The following VWA3B variants were observed in gnomAD, a reference collection of about 807,000 sequenced individuals.
VWA3B encodes von Willebrand factor A domain-containing protein 3B.
Under a neutral mutation model 158.3 loss-of-function variants are expected in VWA3B, and 138 were observed. The ratio of observed to expected loss-of-function variants is 0.87; its 90% CI spans 0.76 to 1.00. The LOEUF (loss-of-function observed/expected upper bound fraction) is 1.00, where lower values mean the gene tolerates loss of function less well. VWA3B is among the 50% of genes least tolerant of loss of function. The pLI is 0.00. For missense variants in VWA3B, 1,555 were observed against 1,565.1 expected (o/e 0.99, Z 0.11); for synonymous variants, 596 against 587.3 (o/e 1.01, Z -0.21).
rs371827089 is a variant in VWA3B, at chr2:98,121,313, C to G, written c.557C>G (p.Pro186Arg). Residue 186 changes from proline (P) to arginine (R), a missense_variant, in exon 5 of 28, where the codon CCT becomes CGT. Transcript: ENST00000477737. ...ATCCTTTTCAGGGTTTCTCAAGAGC[C>G]TGTGAAGTGGCAGGAAAATGCTACT... The part of the protein sequence containing the change: ...EFNIIRVSQE[P>R]VKWQENATPV... 1 of 1,613,746 alleles carries G rather than the reference C, an allele frequency of 6.2e-7. No individual in the cohort carries two copies. Among genetic ancestry groups the G allele is most frequent in the Non-Finnish European group, 8.5e-7 (1 of 1,179,646 alleles).
chr2:98,307,362 G>C (rs1173173668), intron 26 of VWA3B, among the ~76,000 whole-genome samples: 3 of 152,152 alleles, frequency 2.0e-5, no homozygotes, highest in Admixed American at 2.0e-4. Flanking sequence ...TATTTGTTCT[G>C]ACTGACTAGC....
chr2:98,087,541 CG>C (rs1681950014), intron 1 of VWA3B, among the ~76,000 whole-genome samples, 178 bp downstream of exon 1: 1 of 152,156 alleles, frequency 6.6e-6, no homozygotes, highest in African/African-American at 2.4e-5. Context: ...CTTAATCGTC[CG>C]CTACCCAGGG....
At chr2:98,170,841 A>G (rs1322076137) in intron 8 of VWA3B, among the ~76,000 whole-genome samples, 2 of 151,918 alleles carry the variant, frequency 1.3e-5, no homozygotes, top group African/African-American at 2.4e-5. Flanking sequence ...TCTTGCCCTC[A>G]TGATCCGCCT....
chr2:98,087,464 G>A (rs1313342106), intron 1 of VWA3B, 101 bp downstream of exon 1: 1 of 152,222 alleles, frequency 6.6e-6, no homozygotes. Flanking sequence ...TTTCTGAGGT[G>A]GACTACACGC....
At chr2:98,242,562 G>A (rs1686145707) in intron 19 of VWA3B, among the ~76,000 whole-genome samples, 1 of 151,616 alleles carries the variant, frequency 6.6e-6, no homozygotes, top group Admixed American at 6.6e-5. Context: ...TTATCATAAT[G>A]TCTTTTACAG....
At chr2:98,151,009 A>G (rs1288558440) in intron 7 of VWA3B, among the ~76,000 whole-genome samples, 2 of 152,166 alleles carry the variant, frequency 1.3e-5, no homozygotes, top group Admixed American at 6.5e-5. Flanking sequence ...CTGTTGGTTT[A>G]CAGTTTTCAT....
intron 3 of VWA3B, among the ~76,000 whole-genome samples, chr2:98,116,356 A>AT (rs918491764): frequency 2.5e-3 from 365 of 147,942 alleles, no homozygotes; most frequent in African/African-American, 7.2e-3. Flanking sequence ...TTATTGGTAA[A>AT]TTTTTTTTTT....
At chr2:98,266,390 G>A (rs898142833) in intron 21 of VWA3B, among the ~76,000 whole-genome samples, 30 of 151,602 alleles carry the variant, frequency 2.0e-4, no homozygotes, top group African/African-American at 7.3e-4. Flanking sequence ...GCTCTGTTCT[G>A]TTCCATTGAT....
intron 21 of VWA3B, among the ~76,000 whole-genome samples, chr2:98,268,263 T>C (rs1233812985): frequency 1.3e-5 from 2 of 150,344 alleles, no homozygotes; most frequent in African/African-American, 2.5e-5. Flanking sequence ...ACCAATATCC[T>C]TGATGAACAT....
chr2:98,235,588 G>A (rs371977557), intron 17 of VWA3B, among the ~76,000 whole-genome samples: 1 of 152,052 alleles, frequency 6.6e-6, no homozygotes, highest in East Asian at 1.9e-4. Flanking sequence ...AACAGGCCAA[G>A]CTAATTTTTG....
intron 8 of VWA3B, among the ~76,000 whole-genome samples, chr2:98,163,299 G>C (rs1678789194): frequency 6.6e-6 from 1 of 152,190 alleles, no homozygotes; most frequent in Admixed American, 6.5e-5. Flanking sequence ...CAGCACTTTG[G>C]GAGGCCGAGG....
intron 7 of VWA3B, among the ~76,000 whole-genome samples, chr2:98,146,062 C>G (rs1407018628): frequency 6.6e-6 from 1 of 151,888 alleles, no homozygotes; most frequent in Non-Finnish European, 1.5e-5. Flanking sequence ...TATATTTCAT[C>G]TTTTCTTGTT....
At chr2:98,141,819 C>G (rs1183017524) in intron 7 of VWA3B, among the ~76,000 whole-genome samples, 1 of 152,178 alleles carries the variant, frequency 6.6e-6, no homozygotes, top group African/African-American at 2.4e-5. Flanking sequence ...GGCCACACCC[C>G]TCTCTGCCCA....
At chr2:98,147,446 A>G (rs1256989795) in intron 7 of VWA3B, among the ~76,000 whole-genome samples, 2 of 152,218 alleles carry the variant, frequency 1.3e-5, no homozygotes, top group East Asian at 1.9e-4. Flanking sequence ...CTCACTATAT[A>G]CTTAAAAATA....
At chr2:98,109,226 G>A (rs989113750) in intron 2 of VWA3B, among the ~76,000 whole-genome samples, 7 of 152,020 alleles carry the variant, frequency 4.6e-5, no homozygotes, top group South Asian at 4.2e-4. Context: ...TCCTGACCTC[G>A]GGTGATCTGA....
In VWA3B at chr2:98,192,993, G is replaced by T; in HGVS notation, c.1562G>T (p.Ser521Ile). Reference sequence around the variant, plus strand: ...ATTGACACGTCTCACTCAATGAAGAGCAAACTGGACTTGGTGAAGGACAAG... The same window carrying T: ...ATTGACACGTCTCACTCAATGAAGATCAAACTGGACTTGGTGAAGGACAAG... ...ILIDTSHSMK[S>I]KLDLVKDKII... is the part of the protein sequence containing the mutation. The change falls in exon 11 of 28, where the codon AGC (serine) becomes ATC (isoleucine). Residue 521 changes from serine (S) to isoleucine (I), a missense_variant. Physicochemically the swap from Ser to Ile is moderately radical, Grantham distance 142. Transcript: ENST00000477737. 6.2e-7 allele frequency: 1 copy of T among 1,614,154 alleles called. No individual in the cohort carries two copies.
At chr2:98,223,777 C>T (rs1684695565) in intron 14 of VWA3B, among the ~76,000 whole-genome samples, 1 of 152,178 alleles carries the variant, frequency 6.6e-6, no homozygotes, top group South Asian at 2.1e-4. Flanking sequence ...ATCACCCAGG[C>T]TGGAGTGCAG....
chr2:98,181,745 C>T (rs1680601095), intron 9 of VWA3B, among the ~76,000 whole-genome samples: 1 of 152,198 alleles, frequency 6.6e-6, no homozygotes, highest in Non-Finnish European at 1.5e-5. Context: ...TACAGCTTCT[C>T]CTAGTGCCTG....
At chr2:98,089,272 G>A (rs567604256) in intron 1 of VWA3B, among the ~76,000 whole-genome samples, 74 of 152,216 alleles carry the variant, frequency 4.9e-4, no homozygotes, top group African/African-American at 1.6e-3. Flanking sequence ...GTTTGTCTCC[G>A]TAGTCATTGA....
Sources: gnomAD v4.1 joint callset for allele counts (sites outside exome capture counted in the v4.1 genomes callset) on GRCh38, gnomAD v4.1.1 for gene constraint, MANE v1.5 for transcripts, NCBI Gene and HGNC (gene_info 2026-07-23, HGNC 2026-07-21) for gene names.